The following ELP2 variants were observed in gnomAD, a reference collection of about 807,000 sequenced individuals.
ELP2 encodes the protein elongator acetyltransferase complex subunit 2.
In ELP2, 90 loss-of-function variants were observed where a neutral mutation model predicts 119.2. The ratio of observed to expected loss-of-function variants is 0.75; its 90% CI spans 0.64 to 0.90. The LOEUF (loss-of-function observed/expected upper bound fraction) is 0.90, where lower values mean the gene tolerates loss of function less well. Ranked by LOEUF, ELP2 falls within the 40% of genes least tolerant of loss-of-function variation. The probability of loss-of-function intolerance (pLI) is 0.00; values close to 1 mark genes in which losing one functional copy is unlikely to be tolerated. For missense variants in ELP2, 921 were observed against 967.8 expected, an observed-to-expected ratio of 0.95 and a Z score of 0.64; for synonymous variants, 339 against 331.0, an observed-to-expected ratio of 1.02 and a Z score of -0.26.
intron 3 of ELP2, chr18:36,136,768 AT>A (rs1310479534): frequency 1.1e-5 from 2 of 175,958 alleles, no homozygotes; most frequent in Admixed American, 1.1e-4. Context: ...CCATATTTGT[AT>A]GCTGTTAACT....
At chr18:36,172,323 G>T (rs1428955449) in intron 21 of ELP2, among the ~76,000 whole-genome samples, 1 of 152,096 alleles carries the variant, frequency 6.6e-6, no homozygotes, top group Non-Finnish European at 1.5e-5. Flanking sequence ...TATTTTCTTA[G>T]GCTTTTTCAA....
chr18:36,160,114 A>ACCTACCTTTTTCCTCCTC, intron 16 of ELP2, 99 bp downstream of exon 16: 1 of 1,144,050 alleles, frequency 8.7e-7, no homozygotes, highest in Non-Finnish European at 1.3e-6. Context: ...TCTTCCTTCT[A>ACCTACCTTTTTCCTCCTC]CCTACCTTTT....
chr18:36,130,222 A>T (rs924877463), intron 1 of ELP2, 151 bp downstream of exon 1: 2 of 969,992 alleles, frequency 2.1e-6, no homozygotes, highest in East Asian at 2.5e-5. Context: ...TCTCCAGTGG[A>T]CCTGCCGGAC....
chr18:36,131,172 T>C (rs1011652700), intron 1 of ELP2, among the ~76,000 whole-genome samples: 1 of 152,104 alleles, frequency 6.6e-6, no homozygotes, highest in Non-Finnish European at 1.5e-5. Context: ...AGACCCTATC[T>C]CAAAAAAACA....
rs2089540579 is a variant in ELP2 at position 36,130,073 on chromosome 18, T to C, written c.138+2T>C. The C allele has an allele frequency of 1.2e-6, 2 of 1,614,016 alleles. No individual in the cohort carries two copies. Among genetic ancestry groups the C allele is most frequent in the African/African-American group, 2.7e-5 (2 of 74,914 alleles). ...TCCGTGGTGCTCTATGACCCCCTGG[T>C]AAGAGAGGTCGCTGGACGGCCGACC... is the stretch of plus-strand genomic sequence containing the variant. On this transcript the variant is annotated splice_donor_variant, in intron 1 of 21. Coordinates refer to ENST00000358232, the MANE Select transcript of ELP2 (RefSeq NM_018255.4). LOFTEE classifies it high-confidence loss of function.
At chr18:36,162,856 C>T (rs897551660) in intron 17 of ELP2, among the ~76,000 whole-genome samples, 5 of 152,124 alleles carry the variant, frequency 3.3e-5, no homozygotes, top group Non-Finnish European at 7.4e-5. Flanking sequence ...TATGGTGAAA[C>T]TATTCAAATC....
intron 1 of ELP2, among the ~76,000 whole-genome samples, 160 bp downstream of exon 1, chr18:36,130,231 A>C (rs1380775128): frequency 6.6e-6 from 1 of 151,468 alleles, no homozygotes; most frequent in Non-Finnish European, 1.5e-5. Context: ...GACCTGCCGG[A>C]CTCGCTCCTC....
chr18:36,133,157 C>A, intron 1 of ELP2, 81 bp from the exon 2 acceptor site: 2 of 967,856 alleles, frequency 2.1e-6, no homozygotes, highest in Non-Finnish European at 3.3e-6. Flanking sequence ...GCATCGAAAA[C>A]ACTGAAATCT....
Position 36,170,173 on chromosome 18 carries a change from C to G in ELP2, c.2187C>G (p.Cys729Trp), listed in dbSNP as rs1488784411. The G allele has an allele frequency of 1.2e-6, 2 of 1,614,122 alleles. No individual in the cohort carries two copies. Among genetic ancestry groups the G allele is most frequent in the East Asian group, 4.5e-5 (2 of 44,872 alleles). The part of the protein sequence containing the change: ...VGGAVTAVSV[C>W]PVLHPSQRYV... The stretch of plus-strand genomic sequence containing the variant: ...GGGCTGTGACAGCTGTCAGCGTCTG[C>G]CCAGTGCTCCACCCTTCTCAACGGT... The change falls in exon 20 of 22, where the codon TGC becomes TGG. Residue 729 changes from cysteine (C) to tryptophan (W), a missense_variant. Cys to Trp is a radical substitution (Grantham distance 215). Transcript: ENST00000358232.
At chr18:36,167,293 A>C in intron 19 of ELP2, 71 bp downstream of exon 19, 1 of 1,216,432 alleles carries the variant, frequency 8.2e-7, no homozygotes, top group Non-Finnish European at 1.1e-6. Flanking sequence ...TTGAATAAAA[A>C]ATGCATAATC....
At chr18:36,139,341 C>G (rs953941924) in intron 5 of ELP2, 1 of 1,363,486 alleles carries the variant, frequency 7.3e-7, no homozygotes, top group Non-Finnish European at 9.8e-7. Flanking sequence ...TGCTGTGAAA[C>G]CCATCTGTAT....
At chr18:36,143,289 T>C (rs2090095492) in intron 8 of ELP2, among the ~76,000 whole-genome samples, 1 of 151,856 alleles carries the variant, frequency 6.6e-6, no homozygotes, top group Admixed American at 6.6e-5. Flanking sequence ...CTGGCTAACT[T>C]TTTTGTATTT....
At position 36,174,394 on chromosome 18, in the gene ELP2, C is replaced by T. The variant is rs555947077; in HGVS notation, c.2325-91C>T. On this transcript the variant is annotated intron_variant, in intron 21 of 21. Coordinates refer to ENST00000358232, the MANE Select transcript of ELP2 (RefSeq NM_018255.4). ...AATGTTAATGATGCGATTTTAAAAC[C>T]TGTACATTTCAATTTTCAGGTTTTA... 3 of 1,259,894 alleles carry T rather than the reference C, an allele frequency of 2.4e-6. No homozygotes were observed. The Admixed American group carries it at 6.0e-5, about 25-fold the overall frequency. 78.0% of individuals were successfully genotyped at this position (1,259,894 alleles called of 1,614,324 possible).
At position 36,175,094 on chromosome 18, in the gene ELP2, C is replaced by T. The variant is rs1266779498; in HGVS notation, c.*453C>T. ...ATGGACCCTTCGCTTTGTTATATAA[C>T]ATATGCACACATACCCAGAATTTTG... On this transcript the variant is annotated 3_prime_UTR_variant, in exon 22 of 22. Transcript: ENST00000358232. 6.3e-6 allele frequency: 1 copy of T among 158,690 alleles called. No individual in the cohort carries two copies. The highest frequency in any genetic ancestry group is 1.4e-5 in the Non-Finnish European group (1 of 71,618). 9.8% of individuals were successfully genotyped at this position (158,690 alleles called of 1,614,324 possible).
intron 3 of ELP2, 33 bp from the exon 4 acceptor site, chr18:36,138,237 T>C: frequency 6.3e-7 from 1 of 1,583,728 alleles, no homozygotes; most frequent in Non-Finnish European, 8.6e-7. Context: ...AATCCTTTTT[T>C]TCACAATGCT....
At chr18:36,149,483 G>GTTTTTTTTTTTTTTTTTTTT (rs561853812) in intron 11 of ELP2, among the ~76,000 whole-genome samples, 9 of 101,812 alleles carry the variant, frequency 8.8e-5, no homozygotes, top group Non-Finnish European at 1.1e-4. Flanking sequence ...TTTTTGTTTT[G>GTTTTTTTTTTTTTTTTTTTT]TTTTGTTTTT....
At chr18:36,169,277 A>G (rs2091005114) in intron 19 of ELP2, among the ~76,000 whole-genome samples, 1 of 151,878 alleles carries the variant, frequency 6.6e-6, no homozygotes, top group Non-Finnish European at 1.5e-5. Context: ...ATGAGCTTCC[A>G]GGGAAGCCTC....
chr18:36,144,309 G>A (rs1313811445), intron 8 of ELP2, among the ~76,000 whole-genome samples: 3 of 151,972 alleles, frequency 2.0e-5, no homozygotes, highest in Admixed American at 2.0e-4. Flanking sequence ...TTAAAAAATG[G>A]GATTTGTATT....
chr18:36,159,693 T>C (rs1288761863), intron 14 of ELP2, 42 bp from the exon 15 acceptor site: 1 of 1,455,106 alleles, frequency 6.9e-7, no homozygotes, highest in East Asian at 2.3e-5. Context: ...GAAGGAGATA[T>C]AAAAATAGTG....
Sources: gnomAD v4.1 joint callset for allele counts (sites outside exome capture counted in the v4.1 genomes callset) on GRCh38, gnomAD v4.1.1 for gene constraint, MANE v1.5 for transcripts, NCBI Gene and HGNC (gene_info 2026-07-23, HGNC 2026-07-21) for gene names.